The following DYNC2H1 variants were observed in gnomAD, a reference collection of about 807,000 sequenced individuals.
DYNC2H1 encodes dynein cytoplasmic 2 heavy chain 1.
In DYNC2H1, 410 loss-of-function variants were observed where a neutral mutation model predicts 570.0. The observed-to-expected ratio is 0.72, with a 90% CI of 0.66 to 0.78. The LOEUF is 0.78. Ranked by LOEUF, DYNC2H1 falls within the 30% of genes least tolerant of loss-of-function variation. The pLI is 0.00. For synonymous variants in DYNC2H1, 1,688 were observed against 1,677.6 expected (o/e 1.01, Z -0.15); for missense variants, 4,865 against 5,046.4 (o/e 0.96, Z 1.09).
rs369192527 is a variant in DYNC2H1 at position 103,192,284 on chromosome 11, G to T, written c.7708+20G>T. 1.4e-6 allele frequency: 2 copies of T among 1,453,622 alleles called. No homozygotes were observed. The highest frequency in any genetic ancestry group is 1.8e-6 in the Non-Finnish European group (2 of 1,086,730). The allele number at this position is 1,453,622 out of a possible 1,614,324, so 90.0% of individuals were successfully genotyped here. On this transcript the variant is annotated intron_variant, in intron 47 of 88. Coordinates refer to ENST00000375735, the MANE Select transcript of DYNC2H1 (RefSeq NM_001377.3). ...TGTCAGGTAAGGTAATAGAGCTTAT[G>T]CAAATACATAACTATTACAAGGATT...
At chr11:103,300,556 A>G (rs1361442831) in intron 75 of DYNC2H1, among the ~76,000 whole-genome samples, 1 of 152,072 alleles carries the variant, frequency 6.6e-6, no homozygotes, top group Non-Finnish European at 1.5e-5. Context: ...TGGCTAACAT[A>G]TAATTCCAAG....
At chr11:103,297,162 T>C (rs1866866619) in intron 75 of DYNC2H1, among the ~76,000 whole-genome samples, 1 of 152,188 alleles carries the variant, frequency 6.6e-6, no homozygotes, top group Non-Finnish European at 1.5e-5. Context: ...TAATGCTTAT[T>C]TGATGTTTTT....
In DYNC2H1 at chr11:103,173,229, G is replaced by A. The variant is rs969062307; in HGVS notation, c.5482G>A (p.Val1828Ile). ...SHPDNELIAE[V>I]ILYSEGFKDA... ...TCCAGACAATGAGCTTATTGCAGAA[G>A]TTATTCTCTATTCGGAAGGCTTTAA... Residue 1828 changes from valine to isoleucine, a missense_variant, in exon 35 of 89, where the codon GTT becomes ATT. Coordinates refer to ENST00000375735, the MANE Select transcript of DYNC2H1 (RefSeq NM_001377.3). 12 of 1,601,830 alleles carry A rather than the reference G, an allele frequency of 7.5e-6. No homozygotes were observed. The highest frequency in any genetic ancestry group is 1.0e-5 in the Non-Finnish European group (12 of 1,174,250).
At chr11:103,138,180 C>G (rs1328540714) in intron 17 of DYNC2H1, among the ~76,000 whole-genome samples, 1 of 152,248 alleles carries the variant, frequency 6.6e-6, no homozygotes, top group Middle Eastern at 3.4e-3. Context: ...CAAACAGGGA[C>G]AATTTGACTT....
Position 103,189,958 on chromosome 11 carries a change from C to A in DYNC2H1, c.7437+142C>A. 1.2e-6 allele frequency: 1 copy of A among 828,928 alleles called. No homozygotes were observed. The highest frequency in any genetic ancestry group is 1.8e-6 in the Non-Finnish European group (1 of 550,636). 51.3% of individuals were successfully genotyped at this position (828,928 alleles called of 1,614,324 possible). The stretch of plus-strand genomic sequence containing the variant: ...TTCTAGTAGAGAGTAACTGTGAAGA[C>A]AGGTGCTGTGTGTGCCTTATTCACT... On this transcript the variant is annotated intron_variant, in intron 45 of 88. Coordinates refer to ENST00000375735, the MANE Select transcript of DYNC2H1 (RefSeq NM_001377.3). This position sits in a 1 kb window ranked among gnomAD's most constrained non-coding sequence, Gnocchi z 4.3.
In DYNC2H1 at chr11:103,421,852, G is replaced by A. The variant is rs538057414; in HGVS notation, c.12367-14091G>A. Among the ~76,000 whole-genome samples the A allele has an allele frequency of 1.1e-4, 17 of 150,736 alleles. No homozygotes were observed. The East Asian group carries it at 1.4e-3, about 12-fold the overall frequency. On this transcript the variant is annotated intron_variant, in intron 84 of 88. Transcript: ENST00000375735. ...AGCTAGCAGAAGACAAGAAATTACC[G>A]AGATCAGAGCTGAACTTTAAAAAGC...
chr11:103,162,959 T>C, intron 29 of DYNC2H1, 69 bp from the exon 30 acceptor site: 1 of 1,355,660 alleles, frequency 7.4e-7, no homozygotes, highest in South Asian at 1.5e-5. Flanking sequence ...ATTTATTTTA[T>C]GTCTTATATA....
rs114077050 is a variant in DYNC2H1, at chr11:103,255,929, A to G, written c.10327-177A>G. ...AAAATAATTTATGAATTCATTTGAT[A>G]TAAGAAGACTATAATAAAAACAGAA... is the stretch of plus-strand genomic sequence containing the variant. On this transcript the variant is annotated intron_variant, in intron 67 of 88. Transcript: ENST00000375735. Among the ~76,000 whole-genome samples the G allele has an allele frequency of 8.2e-3, 1,245 of 152,216 alleles. 12 individuals are homozygous for G. The highest frequency in any genetic ancestry group is 0.028 in the African/African-American group (1,151 of 41,570).
At chr11:103,115,618 T>G (rs1252863411) in intron 4 of DYNC2H1, among the ~76,000 whole-genome samples, 1 of 152,150 alleles carries the variant, frequency 6.6e-6, no homozygotes, top group African/African-American at 2.4e-5. Context: ...GCCAACACGG[T>G]GAAACCTCGT....
Position 103,160,958 on chromosome 11 carries a change from A to C in DYNC2H1, c.4405A>C (p.Lys1469Gln), listed in dbSNP as rs1346487386. The C allele has an allele frequency of 6.4e-7, 1 of 1,564,776 alleles. No individual in the cohort carries two copies. Among genetic ancestry groups the C allele is most frequent in the African/African-American group, 1.4e-5 (1 of 73,024 alleles). Residue 1469 changes from lysine to glutamine, a missense_variant, in exon 29 of 89, where the codon AAA becomes CAA. Lys to Gln is a moderately conservative substitution (Grantham distance 53). Around this residue, in one of 5 missense-constraint regions of DYNC2H1, gnomAD observed 1,936 missense variants for 1,962.1 expected, o/e 0.99. Coordinates refer to ENST00000375735, the MANE Select transcript of DYNC2H1 (RefSeq NM_001377.3). Reference protein sequence around the residue: ...AGINSVCFDEKSKHITAMKSL... With the variant: ...AGINSVCFDEQSKHITAMKSL... Reference sequence around the variant, plus strand: ...TATTAACAGTGTTTGCTTTGATGAGAAATCAAAACATATAACTGCAATGAA... The same window carrying C: ...TATTAACAGTGTTTGCTTTGATGAGCAATCAAAACATATAACTGCAATGAA...
intron 6 of DYNC2H1, among the ~76,000 whole-genome samples, chr11:103,119,258 A>G (rs569384527): frequency 8.5e-5 from 13 of 152,192 alleles, no homozygotes; most frequent in African/African-American, 3.1e-4. Context: ...TATTATTATT[A>G]TACTCAATTT....
chr11:103,415,596 T>C (rs888027351), intron 84 of DYNC2H1, among the ~76,000 whole-genome samples: 9 of 152,106 alleles, frequency 5.9e-5, no homozygotes, highest in African/African-American at 2.2e-4. Flanking sequence ...AAAACCACAA[T>C]GAGATACCAT....
intron 55 of DYNC2H1, among the ~76,000 whole-genome samples, chr11:103,219,184 G>A (rs1406362844): frequency 6.6e-6 from 1 of 152,004 alleles, no homozygotes; most frequent in Non-Finnish European, 1.5e-5. Context: ...CCTTGAGTCT[G>A]GGAGCCTAAT....
At position 103,181,614 on chromosome 11, in the gene DYNC2H1, A is replaced by T; in HGVS notation, c.6348-143A>T. The T allele has an allele frequency of 1.4e-6, 1 of 736,128 alleles. No homozygotes were observed. The highest frequency in any genetic ancestry group is 2.2e-6 in the Non-Finnish European group (1 of 460,882). The allele number at this position is 736,128 out of a possible 1,614,324, so 45.6% of individuals were successfully genotyped here. On this transcript the variant is annotated intron_variant, in intron 39 of 88. Coordinates refer to ENST00000375735, the MANE Select transcript of DYNC2H1 (RefSeq NM_001377.3). This position sits in a 1 kb window ranked among gnomAD's most constrained non-coding sequence, Gnocchi z 5.0. The stretch of plus-strand genomic sequence containing the variant: ...GTAATTGTATTATTCACACATACTC[A>T]TAGTAAAGTAACTAAAGCCACCTTT...
chr11:103,116,429 TA>T (rs1858398732), intron 4 of DYNC2H1, 140 bp from the exon 5 acceptor site: 1 of 492,068 alleles, frequency 2.0e-6, no homozygotes, highest in Non-Finnish European at 3.3e-6. Flanking sequence ...TGGAAGTAGT[TA>T]TAAGCTGTTA....
chr11:103,125,009 G>C, intron 11 of DYNC2H1, 91 bp from the exon 12 acceptor site: 1 of 915,202 alleles, frequency 1.1e-6, no homozygotes, highest in South Asian at 1.9e-5. Context: ...GCTAATATTA[G>C]ATGTACAGAA....
At chr11:103,188,109 G>T (rs1412660978) in intron 43 of DYNC2H1, among the ~76,000 whole-genome samples, 2 of 151,642 alleles carry the variant, frequency 1.3e-5, no homozygotes, top group Non-Finnish European at 2.9e-5. Context: ...TACGGTATAG[G>T]TCCAATTTTA....
intron 82 of DYNC2H1, among the ~76,000 whole-genome samples, chr11:103,340,136 C>T (rs1373519327): frequency 6.6e-6 from 1 of 152,138 alleles, no homozygotes; most frequent in Non-Finnish European, 1.5e-5. Flanking sequence ...ACTGTGATTG[C>T]ACACCTGATT....
rs966598963 is a variant in DYNC2H1 at position 103,177,157 on chromosome 11, A to G, written c.5875-399A>G. 9.9e-5 allele frequency among the ~76,000 whole-genome samples: 15 copies of G among 152,160 alleles called. No individual in the cohort carries two copies. Among genetic ancestry groups the G allele is most frequent in the Non-Finnish European group, 1.9e-4 (13 of 68,032 alleles). On this transcript the variant is annotated intron_variant, in intron 37 of 88. Transcript: ENST00000375735. The surrounding 1 kb of genome is among the most constrained non-coding windows in gnomAD (Gnocchi z 4.4). ...GGATTTTAAGTGAGTCTCTTTATGT[A>G]GTGCAAATAATTGTCCAAAATTAGC...
Sources: gnomAD v4.1 joint callset for allele counts (sites outside exome capture counted in the v4.1 genomes callset) on GRCh38, gnomAD v4.1.1 for gene constraint, gnomAD v4.1.1 regional missense constraint, Gnocchi (gnomAD v3.1) non-coding constraint, MANE v1.5 for transcripts, NCBI Gene and HGNC (gene_info 2026-07-23, HGNC 2026-07-21) for gene names.